UBR4: variants seen among roughly 807,000 people sequenced by gnomAD.
UBR4 encodes ubiquitin protein ligase E3 component n-recognin 4.
UBR4 carries 124 observed loss-of-function variants against 575.6 expected under a neutral mutation model. The observed-to-expected ratio is 0.22, with a 90% CI of 0.19 to 0.25. The LOEUF (loss-of-function observed/expected upper bound fraction) is 0.25. Ranked by LOEUF, UBR4 falls within the 10% of genes least tolerant of loss-of-function variation. UBR4 has a pLI of 1.00. For missense variants in UBR4, 4,818 were observed against 6,478.8 expected, an observed-to-expected ratio of 0.74 and a Z score of 8.80; for synonymous variants, 2,455 against 2,473.7, an observed-to-expected ratio of 0.99 and a Z score of 0.22.
chr1:19,205,320 G>A (rs191563984), intron 1 of UBR4, among the ~76,000 whole-genome samples: 1 of 152,264 alleles, frequency 6.6e-6, no homozygotes, highest in African/African-American at 2.4e-5. Context: ...CTGAGGAGGG[G>A]CATCATAAAA....
In UBR4 at chr1:19,187,206, C is replaced by T; in HGVS notation, c.1590G>A (p.Leu530=). 2.5e-6 allele frequency: 4 copies of T among 1,613,638 alleles called. No homozygotes were observed. Among genetic ancestry groups the T allele is most frequent in the Non-Finnish European group, 3.4e-6 (4 of 1,179,738 alleles). Residue 530 remains leucine, a synonymous_variant, in exon 13 of 106, where the codon CTG becomes CTA. Coordinates refer to ENST00000375254, the MANE Select transcript of UBR4 (RefSeq NM_020765.3). ...RIQRLIDSVP[L]MNLLLTLLST... is the part of the protein sequence containing the mutation. ...AAAGTAACGTCAAGAGCAGGTTCAT[C>T]AGTGGGACAGAGTCAATCAGCCGTT... is the stretch of plus-strand genomic sequence containing the variant.
In UBR4 at chr1:19,127,655, T is replaced by C. The variant is rs199561146; in HGVS notation, c.9196A>G (p.Thr3066Ala). ...MRLLSVFMSR[T>A]KSGSKSSICE... ...ATGGAAGACTTGGATCCAGATTTGG[T>C]GCGGGACATGAAGACACTCAGGAGT... Residue 3066 changes from threonine (T) to alanine (A), a missense_variant, in exon 63 of 106, where the codon ACC (threonine) becomes GCC (alanine). Thr to Ala is a moderately conservative substitution (Grantham distance 58). This residue lies in a region of UBR4 where 550 missense variants were observed against 791.5 expected (regional missense o/e 0.69). Transcript: ENST00000375254. 1 of 1,614,074 alleles carries C rather than the reference T, an allele frequency of 6.2e-7. No homozygotes were observed. The highest frequency in any genetic ancestry group is 8.5e-7 in the Non-Finnish European group (1 of 1,180,004).
chr1:19,152,175 G>C lies in UBR4; in HGVS notation c.6996+138C>G, dbSNP rs2085824056. 7.7e-7 allele frequency: 1 copy of C among 1,292,824 alleles called. No individual in the cohort carries two copies. Among genetic ancestry groups the C allele is most frequent in the African/African-American group, 1.5e-5 (1 of 67,266 alleles). The allele number at this position is 1,292,824 out of a possible 1,614,324, so 80.1% of individuals were successfully genotyped here. A position where few individuals can be genotyped will look rare whatever the true frequency, so the allele number is the denominator to read the frequency against. ...GAGTAAGAATATCCATTTTTCTAAG[G>C]AACCATTTAACTAGAACCGAGGGTT... On this transcript the variant is annotated intron_variant, in intron 47 of 105. Transcript: ENST00000375254. This position sits in a 1 kb window ranked among gnomAD's most constrained non-coding sequence, Gnocchi z 4.4.
rs111586313 is a variant in UBR4, at chr1:19,202,909, AC to A, written c.177-1095del. Among the ~76,000 whole-genome samples, 657 of 152,028 alleles carry A rather than the reference AC, an allele frequency of 4.3e-3. 5 individuals carry two copies. Among genetic ancestry groups the A allele is most frequent in the Middle Eastern group, 0.017 (5 of 294 alleles). Reference sequence around the variant, plus strand: ...AGACCAGCCTGGCCAAGATGGTGAAACCCTGTCTCTACTAAAATTACAAAAA... The same window carrying A: ...AGACCAGCCTGGCCAAGATGGTGAAACCTGTCTCTACTAAAATTACAAAAA... On this transcript the variant is annotated intron_variant, in intron 1 of 105. Coordinates refer to ENST00000375254, the MANE Select transcript of UBR4 (RefSeq NM_020765.3).
intron 83 of UBR4, among the ~76,000 whole-genome samples, chr1:19,106,288 C>T (rs368087643): frequency 3.3e-5 from 5 of 152,036 alleles, no homozygotes; most frequent in South Asian, 2.1e-4. Context: ...GCAGAAGATA[C>T]GAAAAATGGA....
chr1:19,192,709 T>C (rs1557988365), intron 9 of UBR4, among the ~76,000 whole-genome samples, 169 bp from the exon 10 acceptor site: 1 of 152,226 alleles, frequency 6.6e-6, no homozygotes, highest in Non-Finnish European at 1.5e-5. Flanking sequence ...CCTCTTTTCA[T>C]TTGGATCAAA....
chr1:19,170,969 C>G, intron 25 of UBR4, 86 bp from the exon 26 acceptor site: 1 of 1,580,194 alleles, frequency 6.3e-7, no homozygotes, highest in Non-Finnish European at 8.6e-7. Flanking sequence ...GCTGAAAACC[C>G]TATATCTCAG....
chr1:19,098,981 G>A (rs1490576171), intron 90 of UBR4, among the ~76,000 whole-genome samples: 1 of 152,100 alleles, frequency 6.6e-6, no homozygotes, highest in Non-Finnish European at 1.5e-5. Flanking sequence ...AGAGAGGAAT[G>A]GAAGGAACAG....
In UBR4 at chr1:19,114,065, T is replaced by A. The variant is rs1460452040; in HGVS notation, c.11208A>T (p.Val3736=). The A allele has an allele frequency of 4.3e-6, 7 of 1,613,490 alleles. No homozygotes were observed. Among genetic ancestry groups the A allele is most frequent in the Non-Finnish European group, 5.9e-6 (7 of 1,179,456 alleles). Residue 3736 remains valine, a synonymous_variant, in exon 76 of 106, where the codon GTA becomes GTT. Transcript: ENST00000375254. ...IENEEDRKKA[V]SNINTLLDKA... ...TGTCCAAAAGTGTATTGATGTTGGATACAGCCTAGACAGGAAAAGACAGGG... is the reference window on the plus strand; with the variant it reads ...TGTCCAAAAGTGTATTGATGTTGGAAACAGCCTAGACAGGAAAAGACAGGG...
Position 19,084,497 on chromosome 1 carries a change from T to C in UBR4, c.15008+7A>G. 1 of 1,605,182 alleles carries C rather than the reference T, an allele frequency of 6.2e-7. No individual in the cohort carries two copies. The highest frequency in any genetic ancestry group is 8.5e-7 in the Non-Finnish European group (1 of 1,173,616). Reference sequence around the variant, plus strand: ...GAGATGCCGCCCCTGGGACACAGGGTACTGACGTGTTCAGGACGTAAAGCA... The same window carrying C: ...GAGATGCCGCCCCTGGGACACAGGGCACTGACGTGTTCAGGACGTAAAGCA... On this transcript the variant is annotated splice_region_variant and intron_variant, in intron 102 of 105. Coordinates refer to ENST00000375254, the MANE Select transcript of UBR4 (RefSeq NM_020765.3).
chr1:19,189,992 T>C lies in UBR4; in HGVS notation c.1394+2196A>G, dbSNP rs187337898. Among the ~76,000 whole-genome samples, 101 of 152,092 alleles carry C rather than the reference T, an allele frequency of 6.6e-4. 1 individual carries two copies. The highest frequency in any genetic ancestry group is 2.4e-3 in the African/African-American group (99 of 41,498). On this transcript the variant is annotated intron_variant, in intron 11 of 105. Coordinates refer to ENST00000375254, the MANE Select transcript of UBR4 (RefSeq NM_020765.3). ...TGCCCCTGTTCTAATACTCTCTAGA[T>C]ACAATTTGACATGGCCAGGCAGATT... is the stretch of plus-strand genomic sequence containing the variant.
chr1:19,120,491 T>C (rs141378961), intron 68 of UBR4, 143 bp from the exon 69 acceptor site: 586 of 1,042,410 alleles, frequency 5.6e-4, no homozygotes, highest in Middle Eastern at 9.4e-4. Flanking sequence ...TGCAAAACAA[T>C]TTTTAGTTGT....
At chr1:19,086,948 A>T in intron 99 of UBR4, 127 bp from the exon 100 acceptor site, 1 of 1,322,026 alleles carries the variant, frequency 7.6e-7, no homozygotes, top group Non-Finnish European at 1.0e-6. Context: ...CTCACTAGGG[A>T]AGTTCAGAAG....
rs1192779882 is a variant in UBR4, at chr1:19,155,750, GAACTGACCAAT to G, written c.6073-93_6073-83del. The G allele has an allele frequency of 2.5e-6, 3 of 1,204,678 alleles. No individual in the cohort carries two copies. In the African/African-American group the frequency reaches 4.6e-5, roughly 18 times the overall value. The allele number at this position is 1,204,678 out of a possible 1,614,324, so 74.6% of individuals were successfully genotyped here. Reference sequence around the variant, plus strand: ...ATATCTTAGTGAATCCAAATAGCCGGAACTGACCAATAACAGGCATTCATTCTCCATTCAGT... The same window carrying G: ...ATATCTTAGTGAATCCAAATAGCCGGAACAGGCATTCATTCTCCATTCAGT... On this transcript the variant is annotated intron_variant, in intron 42 of 105. Transcript: ENST00000375254.
chr1:19,089,013 A>G lies in UBR4; in HGVS notation c.14212-36T>C, dbSNP rs1483870816. The G allele has an allele frequency of 6.2e-7, 1 of 1,602,798 alleles. No homozygotes were observed. Among genetic ancestry groups the G allele is most frequent in the South Asian group, 1.1e-5 (1 of 90,482 alleles). On this transcript the variant is annotated intron_variant, in intron 97 of 105. Transcript: ENST00000375254. This position sits in a 1 kb window ranked among gnomAD's most constrained non-coding sequence, Gnocchi z 4.3. ...GAGACCAGAGAGACACATGCCTCCAATTATGTAGACAAACCTTCTTCCCGG... is the reference window on the plus strand; with the variant it reads ...GAGACCAGAGAGACACATGCCTCCAGTTATGTAGACAAACCTTCTTCCCGG...
At chr1:19,168,245 A>G (rs543526972) in intron 27 of UBR4, 61 bp from the exon 28 acceptor site, 350 of 1,454,220 alleles carry the variant, frequency 2.4e-4, no homozygotes, top group Non-Finnish European at 2.9e-4. Flanking sequence ...AAATTCTCAC[A>G]TGGAAAAAAA....
intron 83 of UBR4, among the ~76,000 whole-genome samples, chr1:19,106,341 A>G (rs1197452058): frequency 6.6e-6 from 1 of 152,224 alleles, no homozygotes; most frequent in Non-Finnish European, 1.5e-5. Context: ...CAGAAAGCAC[A>G]AGGAGCGTGT....
intron 105 of UBR4, 49 bp downstream of exon 105, chr1:19,076,691 T>C (rs2075975724): frequency 4.3e-6 from 7 of 1,613,020 alleles, no homozygotes; most frequent in Non-Finnish European, 5.1e-6. Context: ...GAGGAAGACA[T>C]GGGGCTTTGC....
At chr1:19,101,321 G>C (rs568926632) in intron 88 of UBR4, among the ~76,000 whole-genome samples, 199 bp downstream of exon 88, 44 of 152,272 alleles carry the variant, frequency 2.9e-4, no homozygotes, top group Admixed American at 7.8e-4. Flanking sequence ...ACCAAGGAAG[G>C]TCATTAAATG....
Sources: allele counts gnomAD v4.1 joint callset (sites outside exome capture counted in the v4.1 genomes callset), GRCh38; gene constraint gnomAD v4.1.1; regional missense constraint gnomAD v4.1.1; non-coding constraint Gnocchi (gnomAD v3.1); transcripts MANE v1.5; gene names NCBI Gene and HGNC (gene_info 2026-07-23, HGNC 2026-07-21).